The following ZMIZ1 variants were observed in gnomAD, a reference collection of about 807,000 sequenced individuals.
ZMIZ1 encodes zinc finger MIZ domain-containing protein 1.
In ZMIZ1, 17 loss-of-function variants were observed where a neutral mutation model predicts 113.9. The observed-to-expected ratio is 0.15, with a 90% CI of 0.10 to 0.22. The LOEUF is 0.22. ZMIZ1 is among the 10% of genes least tolerant of loss of function. The pLI is 1.00. For synonymous variants in ZMIZ1, 607 were observed against 603.1 expected (o/e 1.01, Z -0.09); for missense variants, 1,059 against 1,477.8 (o/e 0.72, Z 4.65).
At chr10:79,264,693 G>C (rs765155049) in intron 7 of ZMIZ1, among the ~76,000 whole-genome samples, 3 of 152,176 alleles carry the variant, frequency 2.0e-5, no homozygotes, top group African/African-American at 7.2e-5. Flanking sequence ...GGAGGGGCTT[G>C]TGAGGGTCTG....
At chr10:79,081,421 C>G (rs1842654669) in intron 1 of ZMIZ1, among the ~76,000 whole-genome samples, 2 of 152,178 alleles carry the variant, frequency 1.3e-5, no homozygotes, top group African/African-American at 4.8e-5. Context: ...TGGCAGTAGG[C>G]TGGGGAGGCC....
At chr10:79,305,701 C>G (rs1185116298) in intron 21 of ZMIZ1, 100 bp downstream of exon 21, 2 of 1,230,038 alleles carry the variant, frequency 1.6e-6, no homozygotes, top group Non-Finnish European at 1.2e-6. Flanking sequence ...CCTCCCCTCC[C>G]AGGCCAGCAG....
In ZMIZ1 at chr10:79,312,719, T is replaced by C. The variant is rs777359220; in HGVS notation, c.3174T>C (p.Asp1058=). ...DPPDLPSNSN[D]DLLSLFENN ...CCGACCTGCCGAGCAATAGTAACGA[T>C]GACCTCCTGTCTCTATTTGAGAACA... is the stretch of plus-strand genomic sequence containing the variant. The change falls in exon 25 of 25, where the codon GAT becomes GAC. Residue 1058 remains aspartate (D), a synonymous_variant. Transcript: ENST00000334512. 3.7e-6 allele frequency: 6 copies of C among 1,614,224 alleles called. No individual in the cohort carries two copies. Among genetic ancestry groups the C allele is most frequent in the Non-Finnish European group, 5.1e-6 (6 of 1,180,022 alleles).
chr10:79,198,183 C>T (rs552472903), intron 4 of ZMIZ1, among the ~76,000 whole-genome samples: 30 of 152,120 alleles, frequency 2.0e-4, no homozygotes, highest in African/African-American at 5.8e-4. Flanking sequence ...GGCGTGAACC[C>T]GGGAGGCAGA....
chr10:79,303,430 G>A (rs1261233565), intron 18 of ZMIZ1, among the ~76,000 whole-genome samples: 4 of 147,944 alleles, frequency 2.7e-5, no homozygotes, highest in Admixed American at 2.7e-4. Context: ...ACTCCAGCCT[G>A]GGCAACACAG....
intron 24 of ZMIZ1, among the ~76,000 whole-genome samples, chr10:79,311,697 G>C (rs1409848990): frequency 6.6e-6 from 1 of 152,058 alleles, no homozygotes; most frequent in Non-Finnish European, 1.5e-5. Flanking sequence ...GGGGGCAGAG[G>C]GGGCAGCCTT....
chr10:79,148,466 C>A (rs1458727874), intron 3 of ZMIZ1, among the ~76,000 whole-genome samples: 1 of 152,220 alleles, frequency 6.6e-6, no homozygotes, highest in Non-Finnish European at 1.5e-5. Context: ...CATCATCAGA[C>A]CTTGTCTCTG....
intron 1 of ZMIZ1, among the ~76,000 whole-genome samples, chr10:79,074,106 C>T (rs969964780): frequency 9.2e-5 from 14 of 152,214 alleles, no homozygotes; most frequent in African/African-American, 3.4e-4. Context: ...CTTTGTTTAT[C>T]CCCAATAACA....
At chr10:79,144,870 G>T (rs925704100) in intron 3 of ZMIZ1, among the ~76,000 whole-genome samples, 4 of 151,952 alleles carry the variant, frequency 2.6e-5, no homozygotes, top group Non-Finnish European at 5.9e-5. Context: ...CTTTCCGTCT[G>T]CCTCTCAGTT....
chr10:79,271,997 A>G (rs2131950937), intron 7 of ZMIZ1, among the ~76,000 whole-genome samples: 1 of 152,318 alleles, frequency 6.6e-6, no homozygotes, highest in African/African-American at 2.4e-5. Context: ...GGCTGGGCTC[A>G]GTGGCTTATG....
chr10:79,077,210 C>T (rs1257988154), intron 1 of ZMIZ1, among the ~76,000 whole-genome samples: 1 of 152,122 alleles, frequency 6.6e-6, no homozygotes, highest in Non-Finnish European at 1.5e-5. Context: ...ACCCAAACTC[C>T]TACCCCTACT....
intron 4 of ZMIZ1, among the ~76,000 whole-genome samples, chr10:79,168,615 A>C (rs1846465866): frequency 6.6e-6 from 1 of 152,164 alleles, no homozygotes; most frequent in Admixed American, 6.5e-5. Flanking sequence ...CCAGTTGTTA[A>C]TGTGCTTGTG....
At chr10:79,079,017 G>A (rs1163999981) in intron 1 of ZMIZ1, among the ~76,000 whole-genome samples, 1 of 152,250 alleles carries the variant, frequency 6.6e-6, no homozygotes, top group African/African-American at 2.4e-5. Context: ...GGAGAGGAGG[G>A]GACAGTGTCT....
intron 1 of ZMIZ1, among the ~76,000 whole-genome samples, chr10:79,093,328 TATTTA>T (rs1843056264): frequency 9.1e-6 from 1 of 109,462 alleles, no homozygotes; most frequent in East Asian, 2.2e-4. Context: ...TTTATTTATT[TATTTA>T]TTTATTTATT....
intron 23 of ZMIZ1, among the ~76,000 whole-genome samples, 184 bp downstream of exon 23, chr10:79,307,755 T>G (rs1418286670): frequency 6.6e-6 from 1 of 152,098 alleles, no homozygotes; most frequent in African/African-American, 2.4e-5. Context: ...TAGACTTGGC[T>G]GTTTTACCTA....
intron 4 of ZMIZ1, among the ~76,000 whole-genome samples, chr10:79,183,547 C>T (rs565556246): frequency 1.2e-3 from 179 of 152,296 alleles, no homozygotes; most frequent in African/African-American, 4.0e-3. Flanking sequence ...GGCTGGGAGA[C>T]GGTATCCCCA....
chr10:79,245,986 A>C (rs1850170914), intron 7 of ZMIZ1, among the ~76,000 whole-genome samples: 1 of 152,236 alleles, frequency 6.6e-6, no homozygotes, highest in South Asian at 2.1e-4. Flanking sequence ...AGGTGCAGTG[A>C]GGACACTAGC....
intron 23 of ZMIZ1, among the ~76,000 whole-genome samples, chr10:79,310,276 T>C (rs1855035359): frequency 6.6e-6 from 1 of 152,182 alleles, no homozygotes; most frequent in Non-Finnish European, 1.5e-5. Context: ...AAGATGCCCC[T>C]GGCTGGCCAG....
chr10:79,143,623 G>A (rs1003130146), intron 3 of ZMIZ1, among the ~76,000 whole-genome samples: 10 of 152,192 alleles, frequency 6.6e-5, no homozygotes, highest in Non-Finnish European at 1.5e-4. Context: ...GTCCAGATGG[G>A]GTGGTGGGGG....
Sources: allele counts gnomAD v4.1 joint callset (sites outside exome capture counted in the v4.1 genomes callset), GRCh38; gene constraint gnomAD v4.1.1; transcripts MANE v1.5; gene names NCBI Gene and HGNC (gene_info 2026-07-23, HGNC 2026-07-21).